The following SHANK2 variants were observed in gnomAD, a reference collection of about 807,000 sequenced individuals.
SHANK2 encodes the protein SH3 and multiple ankyrin repeat domains 2.
In SHANK2, 43 loss-of-function variants were observed where a neutral mutation model predicts 133.7. That is an observed-to-expected ratio of 0.32 (90% CI 0.25 to 0.41). The LOEUF (loss-of-function observed/expected upper bound fraction) is 0.41, where lower values mean the gene tolerates loss of function less well. Ranked by LOEUF, SHANK2 falls within the 10% of genes least tolerant of loss-of-function variation. The pLI, the probability that SHANK2 is intolerant of heterozygous loss-of-function variation, is 1.00. For missense variants in SHANK2, 1,994 were observed against 2,235.8 expected, an observed-to-expected ratio of 0.89 and a Z score of 2.18; for synonymous variants, 1,017 against 952.8, an observed-to-expected ratio of 1.07 and a Z score of -1.24.
rs1438072044 is a variant in SHANK2, at chr11:70,469,197, A to G, written c.*3672T>C. 2.0e-5 allele frequency: 3 copies of G among 152,292 alleles called. No individual in the cohort carries two copies. Among genetic ancestry groups the G allele is most frequent in the Non-Finnish European group, 4.4e-5 (3 of 68,044 alleles). The allele number at this position is 152,292 out of a possible 1,614,324, so 9.4% of individuals were successfully genotyped here. On this transcript the variant is annotated 3_prime_UTR_variant, in exon 26 of 26. Coordinates refer to ENST00000601538, the MANE Select transcript of SHANK2 (RefSeq NM_012309.5). ...GAAGCAGATTTTGACGTTTTGCATAATTCTGAAATAACATGCACGTATCCA... is the reference window on the plus strand; with the variant it reads ...GAAGCAGATTTTGACGTTTTGCATAGTTCTGAAATAACATGCACGTATCCA...
chr11:70,878,398 A>G (rs1329310437), intron 11 of SHANK2, among the ~76,000 whole-genome samples: 1 of 152,214 alleles, frequency 6.6e-6, no homozygotes, highest in Non-Finnish European at 1.5e-5. Flanking sequence ...GAACAAACAT[A>G]CAGGGCATCA....
intron 11 of SHANK2, among the ~76,000 whole-genome samples, chr11:70,844,598 G>A (rs148204429): frequency 3.3e-5 from 5 of 152,328 alleles, no homozygotes; most frequent in South Asian, 2.1e-4. Context: ...GAGTAATCTC[G>A]TGGGATGTTA....
intron 14 of SHANK2, among the ~76,000 whole-genome samples, chr11:70,738,727 C>T (rs1346113521): frequency 6.6e-6 from 1 of 152,204 alleles, no homozygotes; most frequent in East Asian, 1.9e-4. Flanking sequence ...GGCTATGTCC[C>T]CTGACAATAG....
chr11:70,475,773 G>A (rs1555149985), intron 25 of SHANK2, among the ~76,000 whole-genome samples: 1 of 152,216 alleles, frequency 6.6e-6, no homozygotes, highest in African/African-American at 2.4e-5. Context: ...GCCCCTGAGT[G>A]GGAGATGTTA....
intron 14 of SHANK2, among the ~76,000 whole-genome samples, chr11:70,709,189 T>A (rs912185089): frequency 6.6e-6 from 1 of 152,152 alleles, no homozygotes; most frequent in Admixed American, 6.5e-5. Context: ...ACAGCCTGGG[T>A]GGCAGAGTGA....
At chr11:70,619,018 A>G (rs1219108179) in intron 17 of SHANK2, among the ~76,000 whole-genome samples, 2 of 151,176 alleles carry the variant, frequency 1.3e-5, no homozygotes, top group Admixed American at 1.3e-4. Context: ...CCTTACCCAC[A>G]CCCTTCGTCC....
intron 2 of SHANK2, among the ~76,000 whole-genome samples, chr11:71,169,370 T>G (rs1953259701): frequency 6.6e-6 from 1 of 152,220 alleles, no homozygotes; most frequent in Non-Finnish European, 1.5e-5. Context: ...TTAGGATTCT[T>G]TAGGCCTGTT....
At chr11:70,732,993 T>A (rs1555032625) in intron 14 of SHANK2, among the ~76,000 whole-genome samples, 1 of 152,244 alleles carries the variant, frequency 6.6e-6, no homozygotes, top group African/African-American at 2.4e-5. Context: ...TTCTCCTGCA[T>A]GTCAGATGCT....
At chr11:70,946,835 C>G (rs1360867446) in intron 10 of SHANK2, among the ~76,000 whole-genome samples, 2 of 148,834 alleles carry the variant, frequency 1.3e-5, no homozygotes, top group Non-Finnish European at 3.0e-5. Context: ...CACTAACCAA[C>G]CCTTCCCAGG....
chr11:70,689,100 G>T (rs1555020388), intron 15 of SHANK2, among the ~76,000 whole-genome samples: 1 of 152,166 alleles, frequency 6.6e-6, no homozygotes, highest in Non-Finnish European at 1.5e-5. Context: ...GCCCATACCT[G>T]GCTGGCTGGT....
At chr11:70,555,068 AT>A (rs1313009834) in intron 17 of SHANK2, among the ~76,000 whole-genome samples, 3 of 152,092 alleles carry the variant, frequency 2.0e-5, no homozygotes, top group African/African-American at 7.2e-5. Flanking sequence ...TCTGTGATCT[AT>A]ACTTTTTGAT....
intron 8 of SHANK2, among the ~76,000 whole-genome samples, chr11:71,085,585 T>C (rs1444514607): frequency 3.2e-5 from 1 of 31,564 alleles, no homozygotes; most frequent in Non-Finnish European, 6.1e-5. Flanking sequence ...TTATATAATA[T>C]ATTATATAAT....
At chr11:70,598,072 G>A (rs557639433) in intron 17 of SHANK2, among the ~76,000 whole-genome samples, 1 of 152,336 alleles carries the variant, frequency 6.6e-6, no homozygotes, top group East Asian at 1.9e-4. Flanking sequence ...TGGACACTCA[G>A]GGGTGGAGTG....
chr11:70,653,318 G>A (rs896874321), intron 17 of SHANK2, among the ~76,000 whole-genome samples: 1 of 152,170 alleles, frequency 6.6e-6, no homozygotes, highest in Non-Finnish European at 1.5e-5. Flanking sequence ...CTCTGAAGCT[G>A]TGGGGATTGA....
At chr11:70,782,074 T>C (rs1555045295) in intron 14 of SHANK2, among the ~76,000 whole-genome samples, 2 of 152,148 alleles carry the variant, frequency 1.3e-5, no homozygotes, top group Non-Finnish European at 1.5e-5. Context: ...AGAATACTTA[T>C]TTATTTATTT....
chr11:71,137,869 A>G (rs1352542391), intron 3 of SHANK2, among the ~76,000 whole-genome samples: 14 of 152,340 alleles, frequency 9.2e-5, no homozygotes, highest in African/African-American at 3.4e-4. Context: ...AGGGTCCAGG[A>G]GCAAGGAATC....
intron 14 of SHANK2, among the ~76,000 whole-genome samples, chr11:70,737,097 G>A (rs1025369684): frequency 1.3e-5 from 2 of 152,138 alleles, no homozygotes; most frequent in African/African-American, 2.4e-5. Flanking sequence ...CCCGAGCCGC[G>A]GGCTACACCC....
chr11:70,709,789 C>A (rs1218982918), intron 14 of SHANK2, among the ~76,000 whole-genome samples: 2 of 151,854 alleles, frequency 1.3e-5, no homozygotes, highest in Non-Finnish European at 2.9e-5. Context: ...GGAGCCCTGG[C>A]GAGCGAGTCC....
intron 17 of SHANK2, among the ~76,000 whole-genome samples, chr11:70,629,344 G>A (rs2060948540): frequency 6.6e-6 from 1 of 152,232 alleles, no homozygotes; most frequent in African/African-American, 2.4e-5. Context: ...ACTCTCTGAA[G>A]GGTTTGGTCA....
Sources: allele counts gnomAD v4.1 joint callset (sites outside exome capture counted in the v4.1 genomes callset), GRCh38; gene constraint gnomAD v4.1.1; transcripts MANE v1.5; gene names NCBI Gene and HGNC (gene_info 2026-07-23, HGNC 2026-07-21).